Variants in PAXIP1 observed in about 807,000 individuals in gnomAD.
PAXIP1 encodes PAX interacting protein 1, also known as PAX-interacting protein 1.
Under a neutral mutation model 140.6 loss-of-function variants are expected in PAXIP1, and 19 were observed. That is an observed-to-expected ratio of 0.14 (90% confidence interval 0.09 to 0.20). The LOEUF (loss-of-function observed/expected upper bound fraction) is 0.20, where lower values mean the gene tolerates loss of function less well. Among genes scored for constraint, PAXIP1 ranks in the 10% least tolerant of loss-of-function variants. PAXIP1 has a pLI of 1.00. For synonymous variants in PAXIP1, 442 were observed against 444.6 expected, an observed-to-expected ratio of 0.99 and a Z score of 0.07; for missense variants, 920 against 1,208.6, an observed-to-expected ratio of 0.76 and a Z score of 3.54.
At chr7:154,964,684 G>A (rs1334318814) in intron 8 of PAXIP1, 1 of 152,034 alleles carries the variant, frequency 6.6e-6, no homozygotes, top group Non-Finnish European at 1.5e-5. Flanking sequence ...CTCCTACTGT[G>A]GACACCGTTC....
At chr7:154,962,958 A>G (rs901005321) in intron 9 of PAXIP1, among the ~76,000 whole-genome samples, 1 of 152,228 alleles carries the variant, frequency 6.6e-6, no homozygotes, top group Non-Finnish European at 1.5e-5. Flanking sequence ...ATCTGTCTAC[A>G]ATAAGCATTA....
intron 1 of PAXIP1, chr7:155,001,997 C>G (rs1810924606): frequency 2.6e-5 from 4 of 152,252 alleles, no homozygotes; most frequent in Admixed American, 2.6e-4. Context: ...CCACTGATGT[C>G]ACACCCAAGG....
intron 14 of PAXIP1, 52 bp downstream of exon 14, chr7:154,957,172 A>C: frequency 1.0e-6 from 1 of 986,006 alleles, no homozygotes; most frequent in Non-Finnish European, 1.5e-6. Flanking sequence ...CCGATTTTCC[A>C]AAGCAGACCT....
chr7:154,987,001 G>GTTT (rs1810104131), intron 4 of PAXIP1, among the ~76,000 whole-genome samples: 3 of 152,316 alleles, frequency 2.0e-5, no homozygotes, highest in East Asian at 3.9e-4. Flanking sequence ...CTGACAGTGG[G>GTTT]TGAGCAGAGC....
At chr7:155,001,731 C>A (rs1810904986) in intron 1 of PAXIP1, 1 of 152,286 alleles carries the variant, frequency 6.6e-6, no homozygotes, top group Non-Finnish European at 1.5e-5. Context: ...CTCATGACCT[C>A]AGGTGATCCA....
At chr7:154,980,459 G>T (rs1189491629) in intron 5 of PAXIP1, among the ~76,000 whole-genome samples, 1 of 152,112 alleles carries the variant, frequency 6.6e-6, no homozygotes, top group Non-Finnish European at 1.5e-5. Flanking sequence ...TTGTTGCCCA[G>T]GCTGGAGTGC....
intron 5 of PAXIP1, among the ~76,000 whole-genome samples, chr7:154,982,988 G>C (rs375488366): frequency 7.1e-6 from 1 of 140,216 alleles, no homozygotes; most frequent in Admixed American, 7.1e-5. Flanking sequence ...CCTGTTTTCC[G>C]CATAAAATGA....
At position 154,988,710 on chromosome 7, in the gene PAXIP1, A is replaced by G. The variant is rs574218827; in HGVS notation, c.324+2296T>C. Among the ~76,000 whole-genome samples, 4 of 152,288 alleles carry G rather than the reference A, an allele frequency of 2.6e-5. No individual in the cohort carries two copies. In the South Asian group the frequency reaches 8.3e-4, roughly 32 times the overall value. ...GACTCCCTGTCCCTGTCCCAAACTC[A>G]GCGTGGCCCTTCGTCCTCTCTCCCT... On this transcript the variant is annotated intron_variant, in intron 4 of 20. Coordinates refer to ENST00000404141, the MANE Select transcript of PAXIP1 (RefSeq NM_007349.4).
At chr7:154,989,352 A>G (rs1479592661) in intron 4 of PAXIP1, among the ~76,000 whole-genome samples, 2 of 152,224 alleles carry the variant, frequency 1.3e-5, no homozygotes, top group African/African-American at 4.8e-5. Flanking sequence ...AGGCATAAGG[A>G]AAAGCAAGAT....
intron 5 of PAXIP1, among the ~76,000 whole-genome samples, chr7:154,978,588 C>T (rs1452792140): frequency 6.6e-6 from 1 of 152,124 alleles, no homozygotes; most frequent in Non-Finnish European, 1.5e-5. Context: ...CTGGACTACC[C>T]ATTCCAGAAA....
In PAXIP1 at chr7:154,955,677, T is replaced by TA. The variant is rs775555046; in HGVS notation, c.2550-47dup. ...AAATAGTAGTGATTTCATATTTACT[T>TA]ACAATGAAAATTTTCTTTAGAAAAC... On this transcript the variant is annotated intron_variant, in intron 14 of 20. Coordinates refer to ENST00000404141, the MANE Select transcript of PAXIP1 (RefSeq NM_007349.4). The TA allele has an allele frequency of 6.5e-6, 7 of 1,077,058 alleles. No homozygotes were observed. The East Asian group carries it at 1.9e-4, about 29-fold the overall frequency. 66.7% of individuals were successfully genotyped at this position (1,077,058 alleles called of 1,614,324 possible).
chr7:154,988,117 T>C (rs975847751), intron 4 of PAXIP1, among the ~76,000 whole-genome samples: 1 of 152,246 alleles, frequency 6.6e-6, no homozygotes, highest in Non-Finnish European at 1.5e-5. Flanking sequence ...TCTCTATCCA[T>C]CTACCTGCCT....
intron 16 of PAXIP1, chr7:154,950,019 T>C (rs1013785549): frequency 6.6e-6 from 1 of 152,192 alleles, no homozygotes; most frequent in African/African-American, 2.4e-5. Flanking sequence ...GTTACCTTAG[T>C]AGTAGCAATG....
chr7:154,957,662 C>G (rs1047209906), intron 13 of PAXIP1, among the ~76,000 whole-genome samples: 1 of 152,148 alleles, frequency 6.6e-6, no homozygotes, highest in African/African-American at 2.4e-5. Context: ...TGTCCTGTGT[C>G]CCAATTTAGA....
chr7:154,997,572 GAAAT>G (rs1810693742), intron 2 of PAXIP1, among the ~76,000 whole-genome samples: 1 of 152,216 alleles, frequency 6.6e-6, no homozygotes, highest in Admixed American at 6.5e-5. Flanking sequence ...GGGAAGATCT[GAAAT>G]AAAATCGAAG....
intron 16 of PAXIP1, among the ~76,000 whole-genome samples, chr7:154,952,768 A>G (rs1808329688): frequency 6.6e-6 from 1 of 152,244 alleles, no homozygotes; most frequent in Admixed American, 6.5e-5. Flanking sequence ...TGTCTGTGCA[A>G]CTTTATAGAG....
At chr7:154,981,866 T>C (rs1809857263) in intron 5 of PAXIP1, among the ~76,000 whole-genome samples, 1 of 152,180 alleles carries the variant, frequency 6.6e-6, no homozygotes, top group South Asian at 2.1e-4. Flanking sequence ...AAATATATAC[T>C]CTATCCTAAA....
chr7:154,963,839 C>G lies in PAXIP1; in HGVS notation c.1894-73G>C, dbSNP rs558290856. On this transcript the variant is annotated intron_variant, in intron 8 of 20. Coordinates refer to ENST00000404141, the MANE Select transcript of PAXIP1 (RefSeq NM_007349.4). The surrounding 1 kb of genome is among the most constrained non-coding windows in gnomAD (Gnocchi z 4.1). ...AGGAGAATTCCAATTTCAAATAAGG[C>G]AGCTATTAAAAGACTCTATCATATA... 5.0e-6 allele frequency: 5 copies of G among 990,762 alleles called. No homozygotes were observed. In the East Asian group the frequency reaches 7.7e-5, roughly 15 times the overall value. 61.4% of individuals were successfully genotyped at this position (990,762 alleles called of 1,614,324 possible).
At chr7:154,945,701 C>T (rs767122503) in intron 20 of PAXIP1, 38 of 985,206 alleles carry the variant, frequency 3.9e-5, no homozygotes, top group South Asian at 9.4e-5. Context: ...CAATGGGAAA[C>T]GGAAGTGGAA....
Sources: gnomAD v4.1 joint callset for allele counts (sites outside exome capture counted in the v4.1 genomes callset) on GRCh38, gnomAD v4.1.1 for gene constraint, Gnocchi (gnomAD v3.1) non-coding constraint, MANE v1.5 for transcripts, NCBI Gene and HGNC (gene_info 2026-07-23, HGNC 2026-07-21) for gene names.